Variants in DNAJB8 observed in about 807,000 individuals in gnomAD.
DNAJB8 encodes the protein dnaJ homolog subfamily B member 8.
For missense variants in DNAJB8, 354 were observed against 318.9 expected (o/e 1.11, Z -0.84); for synonymous variants, 127 against 127.1 (o/e 1.00, Z 0.00).
chr3:128,465,224 A>G (rs1186947728), intron 2 of DNAJB8, 52 bp downstream of exon 2: 1 of 152,336 alleles, frequency 6.6e-6, no homozygotes, highest in Non-Finnish European at 1.5e-5. Flanking sequence ...CTGTCCCTCC[A>G]TGCAGCTTAT....
At position 128,463,461 on chromosome 3, in the gene DNAJB8, T is replaced by TG; in HGVS notation, c.-217dup. The stretch of plus-strand genomic sequence containing the variant: ...CTGGAGGGGCCCCCACTGAGAGGAG[T>TG]GGGGGGAGGGGAGGGACACTGCCGC... On this transcript the variant is annotated 5_prime_UTR_variant, in exon 3 of 3. It removes the in-frame stop codon of an upstream open reading frame in the 5' UTR. Transcript: ENST00000319153. 1 of 466,608 alleles carries TG rather than the reference T, an allele frequency of 2.1e-6. No individual in the cohort carries two copies. Among genetic ancestry groups the TG allele is most frequent in the Non-Finnish European group, 3.9e-6 (1 of 257,290 alleles). The allele number at this position is 466,608 out of a possible 1,614,324, so 28.9% of individuals were successfully genotyped here. A position where few individuals can be genotyped will look rare whatever the true frequency, so the allele number is the denominator to read the frequency against.
rs1162947312 is a variant in DNAJB8, at chr3:128,465,370, G to T, written c.-960C>A. ...CAGATGAACCTGATTCTTTATCTCT[G>T]TGGCTGGATTTTTGTCACTATGTCT... is the stretch of plus-strand genomic sequence containing the variant. On this transcript the variant is annotated 5_prime_UTR_variant, in exon 2 of 3. Transcript: ENST00000319153. 1 of 152,310 alleles carries T rather than the reference G, an allele frequency of 6.6e-6. No homozygotes were observed. The highest frequency in any genetic ancestry group is 1.5e-5 in the Non-Finnish European group (1 of 68,064). The allele number at this position is 152,310 out of a possible 1,614,324, so 9.4% of individuals were successfully genotyped here.
rs772967326 is a variant in DNAJB8, at chr3:128,462,818, G to C, written c.428C>G (p.Ala143Gly). 6.2e-7 allele frequency: 1 copy of C among 1,613,938 alleles called. No homozygotes were observed. Residue 143 changes from alanine (A) to glycine (G), a missense_variant, in exon 3 of 3, where the codon GCC becomes GGC. Transcript: ENST00000319153. ...GAAGGATGAGAAGGCCTCCATGAAG[G>C]CCGGAAATTCTCCAAAGCCTGCCGA... ...AFSAGFGEFP[A>G]FMEAFSSFNM...
At position 128,464,385 on chromosome 3, in the gene DNAJB8, T is replaced by G. The variant is rs1196148347; in HGVS notation, c.-865-275A>C. Reference sequence around the variant, plus strand: ...AGCTGGGGGCCAGGAGGGTTCTCCCTGCAGCCTCCAGAGGGAGTGCGGCCC... The same window carrying G: ...AGCTGGGGGCCAGGAGGGTTCTCCCGGCAGCCTCCAGAGGGAGTGCGGCCC... On this transcript the variant is annotated intron_variant, in intron 2 of 2. Coordinates refer to ENST00000319153, the MANE Select transcript of DNAJB8 (RefSeq NM_153330.6). Among the ~76,000 whole-genome samples the G allele has an allele frequency of 3.9e-5, 6 of 152,220 alleles. No homozygotes were observed. The East Asian group carries it at 1.2e-3, about 29-fold the overall frequency.
intron 2 of DNAJB8, among the ~76,000 whole-genome samples, chr3:128,464,828 C>A (rs1178869246): frequency 6.8e-6 from 1 of 146,336 alleles, no homozygotes; most frequent in African/African-American, 2.5e-5. Flanking sequence ...CCGTTCCCTG[C>A]CTTCCTTCCC....
intron 2 of DNAJB8, among the ~76,000 whole-genome samples, chr3:128,464,761 T>TTTCCTTCCTTCCTTCCTTCC (rs1559979167): frequency 5.9e-5 from 9 of 151,798 alleles, no homozygotes; most frequent in Middle Eastern, 3.4e-3. Flanking sequence ...GCCTGCCTTC[T>TTTCCTTCCTTCCTTCCTTCC]TTCCTTCCTC....
rs780012430 is a variant in DNAJB8, at chr3:128,462,742, G to A, written c.504C>T (p.Ser168=). Residue 168 remains serine (S), a synonymous_variant, in exon 3 of 3, where the codon TCC becomes TCT. Transcript: ENST00000319153. ...AGCTGCCAGAACTGGAGCCCCCGAA[G>A]GAGGTGGATGAGAAGGTGGTGTGGC... is the stretch of plus-strand genomic sequence containing the variant. ...GGSHTTFSST[S]FGGSSSGSSG... is the part of the protein sequence containing the mutation. The A allele has an allele frequency of 1.1e-5, 17 of 1,614,048 alleles. No individual in the cohort carries two copies. Among genetic ancestry groups the A allele is most frequent in the Non-Finnish European group, 1.4e-5 (17 of 1,180,048 alleles).
chr3:128,463,035 C>T lies in DNAJB8; in HGVS notation c.211G>A (p.Asp71Asn). The T allele has an allele frequency of 6.2e-7, 1 of 1,614,220 alleles. No individual in the cohort carries two copies. The highest frequency in any genetic ancestry group is 8.5e-7 in the Non-Finnish European group (1 of 1,180,028). Reference sequence around the variant, plus strand: ...GCCCCGCCACCAGCCCGCCAGCTGTCACAGCCAGCACGGTCATACAGGGAG... The same window carrying T: ...GCCCCGCCACCAGCCCGCCAGCTGTTACAGCCAGCACGGTCATACAGGGAG... ...KRSLYDRAGCDSWRAGGGAST... is the reference protein window; with the variant it reads ...KRSLYDRAGCNSWRAGGGAST... Residue 71 changes from aspartate (D) to asparagine (N), a missense_variant, in exon 3 of 3, where the codon GAC becomes AAC. By Grantham distance (23) the Asp-to-Asn change is conservative. Transcript: ENST00000319153.
At chr3:128,464,998 T>G (rs2068501655) in intron 2 of DNAJB8, among the ~76,000 whole-genome samples, 1 of 150,126 alleles carries the variant, frequency 6.7e-6, no homozygotes, top group Non-Finnish European at 1.5e-5. Context: ...CCTTCCTCCT[T>G]CCTTCCTTCA....
At position 128,462,879 on chromosome 3, in the gene DNAJB8, G is replaced by T. The variant is rs374415635; in HGVS notation, c.367C>A (p.Arg123Ser). 2.5e-6 allele frequency: 4 copies of T among 1,614,176 alleles called. No individual in the cohort carries two copies. The highest frequency in any genetic ancestry group is 1.3e-5 in the African/African-American group (1 of 75,042). ...CTCAGGCCATGGCCCCGGCCACCAC[G>T]GTCACTATTGAATGGGCTGTCCCAG... is the stretch of plus-strand genomic sequence containing the variant. ...EFWDSPFNSD[R>S]GGRGHGLRGA... is the part of the protein sequence containing the mutation. Residue 123 changes from arginine (R) to serine (S), a missense_variant, in exon 3 of 3, where the codon CGT becomes AGT. Transcript: ENST00000319153.
At position 128,465,388 on chromosome 3, in the gene DNAJB8, C is replaced by T. The variant is rs940880661; in HGVS notation, c.-978G>A. 6.6e-6 allele frequency: 1 copy of T among 152,318 alleles called. No individual in the cohort carries two copies. The highest frequency in any genetic ancestry group is 1.5e-5 in the Non-Finnish European group (1 of 68,070). 9.4% of individuals were successfully genotyped at this position (152,318 alleles called of 1,614,324 possible). On this transcript the variant is annotated 5_prime_UTR_variant, in exon 2 of 3. The change creates a new upstream start codon in the 5' untranslated region. Coordinates refer to ENST00000319153, the MANE Select transcript of DNAJB8 (RefSeq NM_153330.6). ...TATCTCTGTGGCTGGATTTTTGTCA[C>T]TATGTCTCGGTTAGCAGTTAGCACC...
chr3:128,465,468 A>T (rs527852940), intron 1 of DNAJB8, 32 bp from the exon 2 acceptor site: 8 of 152,586 alleles, frequency 5.2e-5, no homozygotes, highest in African/African-American at 1.7e-4. Flanking sequence ...TGCCCTGCAC[A>T]GTTCTCCATG....
rs138090733 is a variant in DNAJB8, at chr3:128,462,984, C to T, written c.262G>A (p.Asp88Asn). 329 of 1,614,010 alleles carry T rather than the reference C, an allele frequency of 2.0e-4. 2 individuals carry two copies. Among genetic ancestry groups the T allele is most frequent in the Middle Eastern group, 8.2e-4 (5 of 6,084 alleles). Residue 88 changes from aspartate to asparagine, a missense_variant, in exon 3 of 3, where the codon GAC (aspartate) becomes AAC (asparagine). Asp to Asn is a conservative substitution (Grantham distance 23). Transcript: ENST00000319153. ...GASTPYHSPF[D>N]TGYTFRNPED... is the part of the protein sequence containing the mutation. ...GGGTTACGGAAGGTGTAGCCGGTGT[C>T]GAAGGGGCTGTGGTAGGGCGTGCTG...
rs1264128204 is a variant in DNAJB8 at position 128,463,207 on chromosome 3, G to A, written c.39C>T (p.Ser13=). ...NYYEVLGVQA[S]ASPEDIKKAY... is the part of the protein sequence containing the mutation. ...CTTTCTTGATGTCCTCCGGGGAAGC[G>A]CTGGCCTGCACGCCCAGCACTTCGT... The change falls in exon 3 of 3, where the codon AGC becomes AGT. Residue 13 remains serine (S), a synonymous_variant. Coordinates refer to ENST00000319153, the MANE Select transcript of DNAJB8 (RefSeq NM_153330.6). 5.6e-6 allele frequency: 9 copies of A among 1,613,904 alleles called. No homozygotes were observed. Among genetic ancestry groups the A allele is most frequent in the African/African-American group, 2.7e-5 (2 of 74,922 alleles).
intron 1 of DNAJB8, chr3:128,466,198 C>A: frequency 6.6e-6 from 1 of 152,314 alleles, no homozygotes. Flanking sequence ...ATGGTCAAGG[C>A]CAGTATCCAT....
At chr3:128,465,249 G>GC (rs2107661469) in intron 2 of DNAJB8, 27 bp downstream of exon 2, 1 of 152,284 alleles carries the variant, frequency 6.6e-6, no homozygotes, top group East Asian at 1.9e-4. Context: ...AGCACGACTC[G>GC]CACCCCCATG....
In DNAJB8 at chr3:128,462,631, C is replaced by G; in HGVS notation, c.615G>C (p.Glu205Asp). 2 of 1,614,072 alleles carry G rather than the reference C, an allele frequency of 1.2e-6. No homozygotes were observed. The highest frequency in any genetic ancestry group is 3.3e-5 in the Admixed American group (2 of 60,026). The change falls in exon 3 of 3, where the codon GAG (glutamate) becomes GAC (aspartate). Residue 205 changes from glutamate (E) to aspartate (D), a missense_variant. By Grantham distance (45) the Glu-to-Asp change is conservative. Transcript: ENST00000319153. ...TTKRIVENGQ[E>D]RVEVEEDGQL... ...GCCCGTCTTCCTCCACCTCCACGCG[C>G]TCCTGCCCGTTCTCCACGATGCGCT...
rs779236523 is a variant in DNAJB8 at position 128,462,598 on chromosome 3, C to A, written c.648G>T (p.Lys216Asn). 5 of 1,613,660 alleles carry A rather than the reference C, an allele frequency of 3.1e-6. No individual in the cohort carries two copies. The African/African-American group carries it at 5.3e-5, about 17-fold the overall frequency. ...RVEVEEDGQL[K>N]SVTVNGKEQL... is the part of the protein sequence containing the mutation. ...GCTCCTTGCCGTTCACAGTCACCGA[C>A]TTGAGCTGCCCGTCTTCCTCCACCT... Residue 216 changes from lysine (K) to asparagine (N), a missense_variant, in exon 3 of 3, where the codon AAG becomes AAT. By Grantham distance (94) the Lys-to-Asn change is moderately conservative (BLOSUM62 0). Transcript: ENST00000319153.
At chr3:128,465,901 T>G (rs1218332757) in intron 1 of DNAJB8, 1 of 152,154 alleles carries the variant, frequency 6.6e-6, no homozygotes, top group Non-Finnish European at 1.5e-5. Context: ...GTGAAGGTGG[T>G]GGAGGTAGCA....
Sources: allele counts gnomAD v4.1 joint callset (sites outside exome capture counted in the v4.1 genomes callset), GRCh38; gene constraint gnomAD v4.1.1; transcripts MANE v1.5; gene names NCBI Gene and HGNC (gene_info 2026-07-23, HGNC 2026-07-21).